The following SNX4 variants were observed in gnomAD, a reference collection of about 807,000 sequenced individuals.
SNX4 encodes the protein sorting nexin-4.
A neutral mutation model predicts 70.8 loss-of-function variants in SNX4; 49 were observed. The observed-to-expected ratio is 0.69, with a 90% CI of 0.55 to 0.88. SNX4 has a LOEUF of 0.88. SNX4 is among the 40% of genes least tolerant of loss of function. The pLI is 0.00. For missense variants in SNX4, 528 were observed against 544.8 expected, an observed-to-expected ratio of 0.97 and a Z score of 0.31; for synonymous variants, 206 against 183.8, an observed-to-expected ratio of 1.12 and a Z score of -0.98.
At chr3:125,458,043 T>G (rs1933768035) in intron 10 of SNX4, among the ~76,000 whole-genome samples, 1 of 152,096 alleles carries the variant, frequency 6.6e-6, no homozygotes, top group South Asian at 2.1e-4. Context: ...CATAATGAAC[T>G]ACATACATAA....
At chr3:125,491,688 TC>T (rs1412602977) in intron 5 of SNX4, among the ~76,000 whole-genome samples, 1 of 152,186 alleles carries the variant, frequency 6.6e-6, no homozygotes, top group Non-Finnish European at 1.5e-5. Flanking sequence ...CTAATCAGAT[TC>T]CCCATTCAAC....
intron 1 of SNX4, among the ~76,000 whole-genome samples, chr3:125,514,337 T>A (rs541962961): frequency 2.0e-5 from 3 of 151,956 alleles, no homozygotes; most frequent in African/African-American, 7.2e-5. Context: ...TGTTCCAAAC[T>A]GAGTAACACA....
In SNX4 at chr3:125,447,190, T is replaced by C. The variant is rs1157557369; in HGVS notation, c.*589A>G. ...TTCTTTGTTGGCAGTATAAAATTTC[T>C]GACCAGTATCAAAATTCTGGTAAAA... On this transcript the variant is annotated 3_prime_UTR_variant, in exon 14 of 14. Transcript: ENST00000251775. 1 of 152,674 alleles carries C rather than the reference T, an allele frequency of 6.5e-6. No individual in the cohort carries two copies. The highest frequency in any genetic ancestry group is 6.5e-5 in the Admixed American group (1 of 15,276). The allele number at this position is 152,674 out of a possible 1,614,324, so 9.5% of individuals were successfully genotyped here.
rs1373049669 is a variant in SNX4 at position 125,453,964 on chromosome 3, A to C, written c.1045-9T>G. On this transcript the variant is annotated splice_polypyrimidine_tract_variant and intron_variant, in intron 11 of 13. Transcript: ENST00000251775. ...GAGAATGTTCTCACAGTCTAAAAGG[A>C]AACAGAAACAGATGAATGGATAAAC... The C allele has an allele frequency of 6.2e-7, 1 of 1,609,600 alleles. No homozygotes were observed. Among genetic ancestry groups the C allele is most frequent in the South Asian group, 1.1e-5 (1 of 89,984 alleles).
chr3:125,504,497 GAAAC>G, intron 2 of SNX4, 122 bp downstream of exon 2: 3 of 930,358 alleles, frequency 3.2e-6, no homozygotes, highest in Non-Finnish European at 4.8e-6. Context: ...AAAAAGTAAA[GAAAC>G]AAAGTCAATC....
In SNX4 at chr3:125,453,950, C is replaced by T. The variant is rs957794951; in HGVS notation, c.1050G>A (p.Val350=). The change falls in exon 12 of 14, where the codon GTG becomes GTA. Residue 350 remains valine (V), a synonymous_variant. Coordinates refer to ENST00000251775, the MANE Select transcript of SNX4 (RefSeq NM_003794.4). The part of the protein sequence containing the change: ...QQCEELVTGT[V]RTFSLKGMTT... ...TCATTCCCTTCAAAGAGAATGTTCT[C>T]ACAGTCTAAAAGGAAACAGAAACAG... The T allele has an allele frequency of 7.3e-5, 118 of 1,612,702 alleles. No individual in the cohort carries two copies. Among genetic ancestry groups the T allele is most frequent in the Non-Finnish European group, 9.4e-5 (111 of 1,179,490 alleles).
intron 9 of SNX4, among the ~76,000 whole-genome samples, chr3:125,465,832 A>G (rs565202085): frequency 2.6e-4 from 40 of 152,040 alleles, no homozygotes; most frequent in Admixed American, 1.6e-3. Flanking sequence ...TAGTAGAGAC[A>G]GGGTTTCACC....
intron 7 of SNX4, among the ~76,000 whole-genome samples, chr3:125,477,406 C>T (rs77055519): frequency 0.025 from 3,765 of 152,256 alleles, 175 homozygotes; most frequent in African/African-American, 0.084. Context: ...ACTGCCTAGC[C>T]ATTCACAGAA....
chr3:125,491,342 T>A (rs1934655599), intron 5 of SNX4, among the ~76,000 whole-genome samples: 1 of 152,242 alleles, frequency 6.6e-6, no homozygotes, highest in Admixed American at 6.5e-5. Flanking sequence ...AAAATGTGAT[T>A]CTTTAAATGA....
intron 1 of SNX4, among the ~76,000 whole-genome samples, chr3:125,510,759 C>A (rs540328194): frequency 6.6e-6 from 1 of 152,128 alleles, no homozygotes; most frequent in South Asian, 2.1e-4. Context: ...CCAGCAGCTG[C>A]GGCAGGGGGA....
chr3:125,467,243 C>G (rs893163013), intron 9 of SNX4, among the ~76,000 whole-genome samples: 4 of 151,484 alleles, frequency 2.6e-5, no homozygotes, highest in Admixed American at 2.6e-4. Context: ...CAAAATTAGC[C>G]GGGTGTGGTG....
intron 6 of SNX4, among the ~76,000 whole-genome samples, chr3:125,481,212 C>A (rs913733200): frequency 1.3e-5 from 2 of 152,192 alleles, no homozygotes; most frequent in East Asian, 3.8e-4. Flanking sequence ...AAGTCACCAA[C>A]TATTTTCATG....
intron 2 of SNX4, among the ~76,000 whole-genome samples, chr3:125,503,672 C>G (rs1934979887): frequency 6.6e-6 from 1 of 152,148 alleles, no homozygotes; most frequent in Admixed American, 6.5e-5. Context: ...TCCACCTGCC[C>G]AAGTTCACTT....
chr3:125,501,063 G>A (rs957572074), intron 2 of SNX4, among the ~76,000 whole-genome samples: 1 of 151,976 alleles, frequency 6.6e-6, no homozygotes, highest in Non-Finnish European at 1.5e-5. Context: ...GTCCACAACT[G>A]TCTGCAAAAC....
At chr3:125,498,963 A>C (rs1934868257) in intron 2 of SNX4, among the ~76,000 whole-genome samples, 1 of 152,258 alleles carries the variant, frequency 6.6e-6, no homozygotes, top group Non-Finnish European at 1.5e-5. Flanking sequence ...ACTTCAATTT[A>C]GGTTATTAAT....
chr3:125,496,122 T>C (rs1353589384), intron 5 of SNX4, among the ~76,000 whole-genome samples: 1 of 152,124 alleles, frequency 6.6e-6, no homozygotes, highest in Non-Finnish European at 1.5e-5. Flanking sequence ...AGACCTCATC[T>C]CTACAAAAGA....
chr3:125,449,429 A>AAAAG lies in SNX4; in HGVS notation c.1306-1607_1306-1604dup, dbSNP rs773250992. 3.2e-4 allele frequency among the ~76,000 whole-genome samples: 49 copies of AAAAG among 151,742 alleles called. 1 individual carries two copies. In the South Asian group the frequency reaches 6.4e-3, roughly 20 times the overall value. On this transcript the variant is annotated intron_variant, in intron 13 of 13. Coordinates refer to ENST00000251775, the MANE Select transcript of SNX4 (RefSeq NM_003794.4). The stretch of plus-strand genomic sequence containing the variant: ...GTGAGACTCTGTCTCAAAAAAAAAA[A>AAAAG]AAAGAAAGAAAGAAAGAAAGAAGGT...
At chr3:125,464,495 T>C (rs936774069) in intron 9 of SNX4, among the ~76,000 whole-genome samples, 5 of 151,942 alleles carry the variant, frequency 3.3e-5, no homozygotes, top group Non-Finnish European at 5.9e-5. Context: ...ACACCATTTG[T>C]TGAAATGAGC....
chr3:125,474,765 T>A (rs1311605487), intron 8 of SNX4, among the ~76,000 whole-genome samples: 1 of 152,244 alleles, frequency 6.6e-6, no homozygotes, highest in African/African-American at 2.4e-5. Context: ...TCTACCTGCC[T>A]CTCAAATTAA....
Sources: allele counts gnomAD v4.1 joint callset (sites outside exome capture counted in the v4.1 genomes callset), GRCh38; gene constraint gnomAD v4.1.1; transcripts MANE v1.5; gene names NCBI Gene and HGNC (gene_info 2026-07-23, HGNC 2026-07-21).